PDIA6: variants seen among roughly 807,000 people sequenced by gnomAD.
PDIA6 encodes protein disulfide-isomerase A6.
A neutral mutation model predicts 58.4 loss-of-function variants in PDIA6; 29 were observed. The ratio of observed to expected loss-of-function variants is 0.50; its 90% CI spans 0.37 to 0.68. PDIA6 has a LOEUF of 0.68. Among genes scored for constraint, PDIA6 ranks in the 30% least tolerant of loss-of-function variants. The pLI, the probability that PDIA6 is intolerant of heterozygous loss-of-function variation, is 0.00. For missense variants in PDIA6, 480 were observed against 551.0 expected (o/e 0.87, Z 1.29); for synonymous variants, 192 against 202.6 (o/e 0.95, Z 0.44).
chr2:10,808,617 C>G (rs929451656), intron 1 of PDIA6, among the ~76,000 whole-genome samples: 12 of 152,082 alleles, frequency 7.9e-5, no homozygotes, highest in Non-Finnish European at 1.5e-4. Flanking sequence ...ATGGAGTAGC[C>G]TTTGATAGGA....
chr2:10,784,949 G>GTCCCAAGGCTCTCTCTC lies in PDIA6; in HGVS notation c.1222_1238dup (p.Asp413GlufsTer29). 1 of 1,586,428 alleles carries GTCCCAAGGCTCTCTCTC rather than the reference G, an allele frequency of 6.3e-7. No homozygotes were observed. The highest frequency in any genetic ancestry group is 8.6e-7 in the Non-Finnish European group (1 of 1,164,812). On this transcript the variant is annotated frameshift_variant, in exon 12 of 13. Coordinates refer to ENST00000272227, the MANE Select transcript of PDIA6 (RefSeq NM_005742.4). LOFTEE classifies it high-confidence loss of function. The stretch of plus-strand genomic sequence containing the variant: ...GGGCACTCACCTCGCCATCCCTGCC[G>GTCCCAAGGCTCTCTCTC]TCCCAAGGCTCTCTCTCAACGATGG...
intron 11 of PDIA6, among the ~76,000 whole-genome samples, chr2:10,786,959 C>A (rs1665792678): frequency 6.6e-6 from 1 of 152,158 alleles, no homozygotes; most frequent in South Asian, 2.1e-4. Flanking sequence ...TGAGGATGGA[C>A]AGACAGGGCT....
chr2:10,786,328 A>AT (rs1299987999), intron 11 of PDIA6, among the ~76,000 whole-genome samples: 6 of 150,800 alleles, frequency 4.0e-5, no homozygotes. Flanking sequence ...TGGGGGGGAA[A>AT]GAAAACACCC....
rs771075911 is a variant in PDIA6 at position 10,797,084 on chromosome 2, G to T, written c.343C>A (p.Gln115Lys). ...AGTAGCTAGGAAAAGTCCTTACCTT[G>T]GTAATCTTCTGGTCTGTTTTTGTTG... The part of the protein sequence containing the change: ...GSNKNRPEDY[Q>K]GGRTGEAIVD... Residue 115 changes from glutamine (Q) to lysine (K), a missense_variant, in exon 4 of 13, where the codon CAA (glutamine) becomes AAA (lysine). By Grantham distance (53) the Gln-to-Lys change is moderately conservative. Transcript: ENST00000272227. 2 of 1,613,142 alleles carry T rather than the reference G, an allele frequency of 1.2e-6. No individual in the cohort carries two copies. Among genetic ancestry groups the T allele is most frequent in the South Asian group, 2.2e-5 (2 of 90,978 alleles).
intron 1 of PDIA6, among the ~76,000 whole-genome samples, chr2:10,826,788 G>A (rs539610125): frequency 1.6e-3 from 250 of 152,284 alleles, no homozygotes; most frequent in African/African-American, 5.9e-3. Context: ...CTCCTGAGCA[G>A]ACCTTTAAGA....
chr2:10,786,848 T>G (rs201507279), intron 11 of PDIA6, among the ~76,000 whole-genome samples: 2 of 152,192 alleles, frequency 1.3e-5, no homozygotes, highest in African/African-American at 2.4e-5. Flanking sequence ...TGGAGTAACT[T>G]AAGTACGCCC....
intron 5 of PDIA6, 53 bp from the exon 6 acceptor site, chr2:10,791,978 C>G: frequency 6.3e-7 from 1 of 1,577,380 alleles, no homozygotes; most frequent in Non-Finnish European, 8.6e-7. Context: ...GAACACTTTT[C>G]CTGTTTTAAA....
intron 1 of PDIA6, among the ~76,000 whole-genome samples, chr2:10,830,080 G>T (rs1311549300): frequency 6.6e-6 from 1 of 152,058 alleles, no homozygotes; most frequent in Non-Finnish European, 1.5e-5. Flanking sequence ...AGCCCTTCTA[G>T]GAAGCTTCCT....
chr2:10,820,100 G>A lies in PDIA6; in HGVS notation c.-47-746C>T, dbSNP rs183715046. ...GGCCTCATTGTCTGGGGTAATACCT[G>A]TGGTTCGTTGTCTCATGGTCATGGA... On this transcript the variant is annotated intron_variant, in intron 1 of 13. Coordinates refer to the PDIA6 transcript ENST00000381611. Among the ~76,000 whole-genome samples, 168 of 152,346 alleles carry A rather than the reference G, an allele frequency of 1.1e-3. 1 individual carries two copies. Among genetic ancestry groups the A allele is most frequent in the African/African-American group, 3.7e-3 (155 of 41,572 alleles).
At chr2:10,795,742 T>C (rs1406223446) in intron 4 of PDIA6, among the ~76,000 whole-genome samples, 2 of 152,130 alleles carry the variant, frequency 1.3e-5, no homozygotes, top group African/African-American at 4.8e-5. Context: ...ACACGACAGA[T>C]TCTGTACCCC....
At chr2:10,804,658 C>T (rs1418515596) in intron 1 of PDIA6, among the ~76,000 whole-genome samples, 2 of 134,984 alleles carry the variant, frequency 1.5e-5, no homozygotes, top group Admixed American at 8.2e-5. Flanking sequence ...GATGCGGGCT[C>T]TTTTTTGGTT....
upstream of PDIA6, among the ~76,000 whole-genome samples, chr2:10,816,934 T>G (rs188677943): frequency 6.6e-6 from 1 of 152,296 alleles, no homozygotes; most frequent in East Asian, 1.9e-4. Flanking sequence ...AATGTCCTCA[T>G]TCAACTTAGT....
chr2:10,791,742 G>GAAT, intron 6 of PDIA6, 53 bp downstream of exon 6: 1 of 1,533,596 alleles, frequency 6.5e-7, no homozygotes, highest in Non-Finnish European at 8.9e-7. Context: ...ATAAGCTAAT[G>GAAT]AATGTACTGA....
rs190281692 is a variant in PDIA6 at position 10,786,107 on chromosome 2, G to A, written c.1158-1077C>T. 3.3e-3 allele frequency among the ~76,000 whole-genome samples: 505 copies of A among 152,190 alleles called. 3 individuals carry two copies. Among genetic ancestry groups the A allele is most frequent in the African/African-American group, 0.012 (491 of 41,564 alleles). ...GGAGGCTGAGGTGGGTGGATCACTT[G>A]AGGTCAGGGGTTTGAGACCCGCCTG... On this transcript the variant is annotated intron_variant, in intron 11 of 12. Coordinates refer to ENST00000272227, the MANE Select transcript of PDIA6 (RefSeq NM_005742.4).
chr2:10,832,850 A>C (rs1667744296), upstream of PDIA6, among the ~76,000 whole-genome samples: 3 of 152,060 alleles, frequency 2.0e-5, no homozygotes, highest in African/African-American at 4.8e-5. Context: ...GGCGGTGAGG[A>C]TCACCTGGGC....
intron 3 of PDIA6, 97 bp from the exon 4 acceptor site, chr2:10,797,304 T>C (rs968375061): frequency 6.3e-6 from 8 of 1,266,542 alleles, no homozygotes; most frequent in African/African-American, 3.0e-5. Flanking sequence ...AAAAAGGTAA[T>C]AAAGCACAGG....
chr2:10,789,689 A>C, intron 8 of PDIA6, 60 bp downstream of exon 8: 1 of 1,502,464 alleles, frequency 6.7e-7, no homozygotes, highest in Non-Finnish European at 9.2e-7. Context: ...ACACTGCTTT[A>C]ACATTCCTCA....
At chr2:10,799,116 A>G (rs1666396304) in intron 2 of PDIA6, among the ~76,000 whole-genome samples, 2 of 152,226 alleles carry the variant, frequency 1.3e-5, no homozygotes, top group South Asian at 4.1e-4. Context: ...GGGAAATACA[A>G]CACAGAAAAG....
upstream of PDIA6, among the ~76,000 whole-genome samples, chr2:10,834,179 G>T (rs7587328): frequency 1.3e-5 from 2 of 152,230 alleles, no homozygotes; most frequent in Non-Finnish European, 2.9e-5. Flanking sequence ...AGCAGCAATT[G>T]CATGATTTCA....
Sources: allele counts gnomAD v4.1 joint callset (sites outside exome capture counted in the v4.1 genomes callset), GRCh38; gene constraint gnomAD v4.1.1; transcripts MANE v1.5; gene names NCBI Gene and HGNC (gene_info 2026-07-23, HGNC 2026-07-21).